Variants in EPB41 observed in about 807,000 individuals in gnomAD.
EPB41 encodes the protein protein 4.1.
A neutral mutation model predicts 108.0 loss-of-function variants in EPB41; 65 were observed. The ratio of observed to expected loss-of-function variants is 0.60; its 90% CI spans 0.49 to 0.74. The LOEUF is 0.74. EPB41 is among the 30% of genes least tolerant of loss of function. EPB41 has a pLI of 0.00. For synonymous variants in EPB41, 336 were observed against 358.9 expected (o/e 0.94, Z 0.72); for missense variants, 875 against 1,037.0 (o/e 0.84, Z 2.15).
At chr1:29,096,694 G>A (rs537966815) in intron 16 of EPB41, 22 of 674,886 alleles carry the variant, frequency 3.3e-5, no homozygotes, top group Non-Finnish European at 4.0e-5. Context: ...GTGGTATGGT[G>A]AGGGTAGTGG....
chr1:28,906,009 T>C (rs758729272), intron 1 of EPB41, among the ~76,000 whole-genome samples: 7 of 151,948 alleles, frequency 4.6e-5, no homozygotes, highest in Non-Finnish European at 5.9e-5. Context: ...AGTAGAGATA[T>C]GGTTTTGCCA....
rs190399753 is a variant in EPB41, at chr1:28,908,917, C to T, written c.-8+21707C>T. ...GTGGCTCATGACTGTAATCCCAGCA[C>T]TTTGGGAGGCCGAGGCAGGCGGATC... On this transcript the variant is annotated intron_variant, in intron 1 of 16. Transcript: ENST00000347529. Among the ~76,000 whole-genome samples, 32 of 151,292 alleles carry T rather than the reference C, an allele frequency of 2.1e-4. No individual in the cohort carries two copies. In the East Asian group the frequency reaches 4.5e-3, roughly 21 times the overall value.
intron 1 of EPB41, among the ~76,000 whole-genome samples, chr1:28,975,519 C>T (rs1341266701): frequency 6.6e-6 from 1 of 152,152 alleles, no homozygotes; most frequent in South Asian, 2.1e-4. Flanking sequence ...CTAGCCTCTT[C>T]TGCCTCCACT....
intron 8 of EPB41, among the ~76,000 whole-genome samples, chr1:29,031,386 G>A (rs59596066): frequency 0.019 from 2,867 of 152,288 alleles, 49 homozygotes; most frequent in Middle Eastern, 0.095. Context: ...TCTCTCAGAT[G>A]TATGGAATTA....
chr1:29,092,379 A>G (rs1418863892), intron 16 of EPB41, among the ~76,000 whole-genome samples: 1 of 151,972 alleles, frequency 6.6e-6, no homozygotes, highest in Non-Finnish European at 1.5e-5. Context: ...GGCGTGAGCC[A>G]CCGTGCCTGG....
rs749494525 is a variant in EPB41 at position 28,987,446 on chromosome 1, A to G, written c.9A>G (p.Thr3=). Residue 3 remains threonine, a synonymous_variant, in exon 2 of 21, where the codon ACA becomes ACG. Transcript: ENST00000343067. ...TTTTTAATAGCAACATCATGACAAC[A>G]GAGAAGAGTTTAGTGACTGAGGCCG... MT[T]EKSLVTEAEN... The G allele has an allele frequency of 6.2e-6, 10 of 1,614,174 alleles. No individual in the cohort carries two copies. The Middle Eastern group carries it at 1.6e-3, about 266-fold the overall frequency.
At chr1:29,068,809 T>A (rs1649773174) in intron 16 of EPB41, 1 of 1,231,646 alleles carries the variant, frequency 8.1e-7, no homozygotes, top group Admixed American at 4.2e-5. Context: ...TGACTTGTGC[T>A]TCTCAATCAG....
At chr1:29,022,996 T>G (rs2096665682) in intron 7 of EPB41, among the ~76,000 whole-genome samples, 1 of 152,038 alleles carries the variant, frequency 6.6e-6, no homozygotes, top group African/African-American at 2.4e-5. Context: ...GGATTACCAT[T>G]ATTTTATTTT....
chr1:28,916,638 A>G (rs1254313855), intron 1 of EPB41, among the ~76,000 whole-genome samples: 1 of 152,204 alleles, frequency 6.6e-6, no homozygotes, highest in African/African-American at 2.4e-5. Context: ...CTGTCTCAAA[A>G]AAAGGTGAAC....
chr1:28,951,317 T>TA (rs1047579581), intron 1 of EPB41, among the ~76,000 whole-genome samples: 77 of 141,128 alleles, frequency 5.5e-4, no homozygotes, highest in East Asian at 6.1e-4. Flanking sequence ...AAGACCCCAT[T>TA]AAAAAAAAAA....
At chr1:29,034,028 G>T (rs371071350) in intron 9 of EPB41, among the ~76,000 whole-genome samples, 9 of 152,266 alleles carry the variant, frequency 5.9e-5, no homozygotes, top group Admixed American at 2.6e-4. Flanking sequence ...GCTTTTGTGT[G>T]TATATATCAC....
chr1:29,044,807 G>A (rs893491905), intron 11 of EPB41, among the ~76,000 whole-genome samples: 4 of 152,140 alleles, frequency 2.6e-5, no homozygotes, highest in Non-Finnish European at 4.4e-5. Context: ...AGCTGAGATC[G>A]CGCCTGCACT....
Position 28,924,390 on chromosome 1 carries a change from G to A in EPB41, c.-8+9622G>A, listed in dbSNP as rs532649813. Among the ~76,000 whole-genome samples the A allele has an allele frequency of 2.6e-5, 4 of 152,328 alleles. No individual in the cohort carries two copies. The East Asian group carries it at 5.8e-4, about 22-fold the overall frequency. On this transcript the variant is annotated intron_variant, in intron 1 of 20. Transcript: ENST00000343067. Reference sequence around the variant, plus strand: ...CTAAAAATAGAAGAATTACCTGGGTGTGGTGGTGTGCACCTGTAGTCCCAG... The same window carrying A: ...CTAAAAATAGAAGAATTACCTGGGTATGGTGGTGTGCACCTGTAGTCCCAG...
rs537226805 is a variant in EPB41, at chr1:28,966,506, A to G, written c.-7-20925A>G. Among the ~76,000 whole-genome samples the G allele has an allele frequency of 2.4e-4, 36 of 152,320 alleles. No individual in the cohort carries two copies. The South Asian group carries it at 2.9e-3, about 12-fold the overall frequency. ...AAAACAAGCACAATCCTTTGCTCCA[A>G]TGGAGTTTACATTCTAGTGGGGGTA... On this transcript the variant is annotated intron_variant, in intron 1 of 20. Coordinates refer to ENST00000343067, the MANE Select transcript of EPB41 (RefSeq NM_001376013.1).
chr1:29,119,431 C>A lies in EPB41; in HGVS notation c.*2619C>A, dbSNP rs1248307786. Reference sequence around the variant, plus strand: ...TGACTCAGACACACCACAGTAACAACTCTCGCTGCAATTTTATTTTAATTT... The same window carrying A: ...TGACTCAGACACACCACAGTAACAAATCTCGCTGCAATTTTATTTTAATTT... On this transcript the variant is annotated 3_prime_UTR_variant, in exon 21 of 21. Transcript: ENST00000343067. 6.6e-6 allele frequency: 1 copy of A among 152,642 alleles called. No homozygotes were observed. Among genetic ancestry groups the A allele is most frequent in the Non-Finnish European group, 1.5e-5 (1 of 68,048 alleles). 9.5% of individuals were successfully genotyped at this position (152,642 alleles called of 1,614,324 possible). A position where few individuals can be genotyped will look rare whatever the true frequency, so the allele number is the denominator to read the frequency against.
chr1:28,927,295 G>A (rs1384494783), intron 1 of EPB41, among the ~76,000 whole-genome samples: 2 of 152,098 alleles, frequency 1.3e-5, no homozygotes, highest in Non-Finnish European at 2.9e-5. Context: ...TTGGAGAAGC[G>A]CATATTGTGT....
chr1:28,958,665 T>G (rs1195880695), intron 1 of EPB41, among the ~76,000 whole-genome samples: 5 of 149,496 alleles, frequency 3.3e-5, no homozygotes, highest in Non-Finnish European at 5.9e-5. Flanking sequence ...ATACAAAAAT[T>G]TAGCTGAGCA....
In EPB41 at chr1:29,115,702, C is replaced by G; in HGVS notation, c.2500C>G (p.Leu834Val). 1 of 1,613,892 alleles carries G rather than the reference C, an allele frequency of 6.2e-7. No homozygotes were observed. Among genetic ancestry groups the G allele is most frequent in the Non-Finnish European group, 8.5e-7 (1 of 1,179,910 alleles). ...CCCTTGTTTCTGTCTTTTGTAGGTCCTTGTACAAGCCATCAAGGAGGCAAA... is the reference window on the plus strand; with the variant it reads ...CCCTTGTTTCTGTCTTTTGTAGGTCGTTGTACAAGCCATCAAGGAGGCAAA... ...GDADIDHDQV[L>V]VQAIKEAKEQ... Residue 834 changes from leucine (L) to valine (V), a missense_variant, in exon 20 of 21, where the codon CTT (leucine) becomes GTT (valine). Transcript: ENST00000343067. The surrounding 1 kb of genome is among the most constrained non-coding windows in gnomAD (Gnocchi z 4.4).
intron 1 of EPB41, among the ~76,000 whole-genome samples, chr1:28,961,144 C>A (rs1446159078): frequency 6.6e-6 from 1 of 151,828 alleles, no homozygotes; most frequent in Non-Finnish European, 1.5e-5. Flanking sequence ...GAATCATAAC[C>A]CCTTCTACTT....
Sources: allele counts gnomAD v4.1 joint callset (sites outside exome capture counted in the v4.1 genomes callset), GRCh38; gene constraint gnomAD v4.1.1; non-coding constraint Gnocchi (gnomAD v3.1); transcripts MANE v1.5; gene names NCBI Gene and HGNC (gene_info 2026-07-23, HGNC 2026-07-21).